SAMD12: variants seen among roughly 807,000 people sequenced by gnomAD.
The protein encoded by SAMD12 is sterile alpha motif domain containing 12, also known as sterile alpha motif domain-containing protein 12.
A neutral mutation model predicts 15.0 loss-of-function variants in SAMD12; 9 were observed. The observed-to-expected ratio is 0.60, with a 90% CI of 0.36 to 1.05. The LOEUF (loss-of-function observed/expected upper bound fraction) is 1.05. Ranked by LOEUF, SAMD12 falls within the 50% of genes least tolerant of loss-of-function variation. The probability of loss-of-function intolerance (pLI) is 0.01; values close to 1 mark genes in which losing one functional copy is unlikely to be tolerated. For synonymous variants in SAMD12, 86 were observed against 90.1 expected, an observed-to-expected ratio of 0.96 and a Z score of 0.25; for missense variants, 230 against 234.2, an observed-to-expected ratio of 0.98 and a Z score of 0.12.
At chr8:118,169,371 A>T in the SAMD12 span, among the ~76,000 whole-genome samples, 1 of 152,166 alleles carries the variant, frequency 6.6e-6, no homozygotes, top group East Asian at 1.9e-4. Flanking sequence ...CTCCTGGCTT[A>T]GTTTGGTTCT....
At chr8:118,317,201 G>A (rs915780728) in intron 4 of SAMD12, among the ~76,000 whole-genome samples, 4 of 152,108 alleles carry the variant, frequency 2.6e-5, no homozygotes, top group African/African-American at 9.7e-5. Flanking sequence ...GAAAATCAAT[G>A]TCTGTTGTTA....
Position 118,509,494 on chromosome 8 carries a change from C to G in SAMD12, c.193-69533G>C, listed in dbSNP as rs147685266. Among the ~76,000 whole-genome samples, 270 of 152,248 alleles carry G rather than the reference C, an allele frequency of 1.8e-3. 1 individual carries two copies. The highest frequency in any genetic ancestry group is 5.2e-3 in the African/African-American group (217 of 41,542). On this transcript the variant is annotated intron_variant, in intron 2 of 3. Coordinates refer to ENST00000314727, the MANE Select transcript of SAMD12 (RefSeq NM_207506.3). ...TGTGTCTTCATGAAACAGGCTTTGA[C>G]TCTGTGGGCAGGAATGAACACATCC...
intron 2 of SAMD12, among the ~76,000 whole-genome samples, chr8:118,521,319 C>T (rs1825382624): frequency 6.6e-6 from 1 of 152,162 alleles, no homozygotes; most frequent in Non-Finnish European, 1.5e-5. Flanking sequence ...CTATTTCCTT[C>T]ATCCCTTTGC....
intron 4 of SAMD12, among the ~76,000 whole-genome samples, chr8:118,341,529 A>G (rs550362655): frequency 2.1e-4 from 32 of 152,332 alleles, no homozygotes; most frequent in African/African-American, 7.2e-4. Flanking sequence ...TTTATAAACC[A>G]CAGAAATTTA....
At chr8:118,185,774 G>A (rs1400551229), downstream of SAMD12, among the ~76,000 whole-genome samples, 5 of 152,328 alleles carry the variant, frequency 3.3e-5, no homozygotes, top group African/African-American at 9.6e-5. Context: ...AGGCTGGGAT[G>A]TGATAGGCTA....
At chr8:118,436,172 TACTTACC>T (rs1822570838) in intron 3 of SAMD12, among the ~76,000 whole-genome samples, 1 of 152,230 alleles carries the variant, frequency 6.6e-6, no homozygotes, top group Admixed American at 6.5e-5. Flanking sequence ...CTGACTATCT[TACTTACC>T]ACTGTATTCT....
At chr8:118,310,612 T>C (rs938638990) in intron 4 of SAMD12, among the ~76,000 whole-genome samples, 1 of 152,218 alleles carries the variant, frequency 6.6e-6, no homozygotes, top group Non-Finnish European at 1.5e-5. Flanking sequence ...GGGTATGCTC[T>C]TGACTTCAAT....
chr8:118,565,090 A>T (rs10101026), intron 2 of SAMD12, among the ~76,000 whole-genome samples: 9,372 of 152,248 alleles, frequency 0.062, 344 homozygotes, highest in Non-Finnish European at 0.084. Flanking sequence ...GGTGAACTCC[A>T]CTAATAACTA....
the SAMD12 span, among the ~76,000 whole-genome samples, chr8:118,133,553 G>A: frequency 1.3e-5 from 2 of 152,046 alleles, no homozygotes; most frequent in African/African-American, 2.4e-5. Context: ...CTTCATATAT[G>A]TTTTATATAT....
At chr8:118,595,536 C>G (rs1165483731) in intron 1 of SAMD12, among the ~76,000 whole-genome samples, 1 of 152,140 alleles carries the variant, frequency 6.6e-6, no homozygotes, top group Non-Finnish European at 1.5e-5. Context: ...GAAAAAAAAT[C>G]AAGTACACAA....
intron 4 of SAMD12, among the ~76,000 whole-genome samples, chr8:118,203,599 T>A (rs1819774415): frequency 6.6e-6 from 1 of 152,054 alleles, no homozygotes; most frequent in African/African-American, 2.4e-5. Context: ...TATTTTTTTA[T>A]TATTATTATA....
chr8:118,618,240 A>T (rs1158126788), intron 1 of SAMD12, among the ~76,000 whole-genome samples: 1 of 152,182 alleles, frequency 6.6e-6, no homozygotes, highest in African/African-American at 2.4e-5. Context: ...ACAAAACAAT[A>T]AACAAAGGGC....
chr8:118,288,448 T>C (rs975969933), intron 4 of SAMD12: 1 of 152,198 alleles, frequency 6.6e-6, no homozygotes, highest in Non-Finnish European at 1.5e-5. Context: ...TTCCTCATCA[T>C]TGTATTTTTC....
chr8:118,487,509 A>G (rs1824323398), intron 2 of SAMD12, among the ~76,000 whole-genome samples: 1 of 152,176 alleles, frequency 6.6e-6, no homozygotes, highest in Middle Eastern at 3.2e-3. Context: ...CCAATAACAT[A>G]GCGGTTTAGC....
At chr8:118,180,393 T>G in the SAMD12 span, among the ~76,000 whole-genome samples, 36 of 152,310 alleles carry the variant, frequency 2.4e-4, no homozygotes, top group Non-Finnish European at 4.7e-4. Context: ...AATATCCATG[T>G]ACACACCACG....
rs544575061 is a variant in SAMD12 at position 118,395,485 on chromosome 8, G to C, written c.323-15785C>G. On this transcript the variant is annotated intron_variant, in intron 3 of 3. Transcript: ENST00000314727. ...TATTTAGAAAGAAAGTAAAAGCAAT[G>C]TTCACTTGGGTTTTCTTTAGCAAAC... Among the ~76,000 whole-genome samples, 164 of 152,218 alleles carry C rather than the reference G, an allele frequency of 1.1e-3. 1 individual carries two copies. The highest frequency in any genetic ancestry group is 3.9e-3 in the African/African-American group (160 of 41,544).
chr8:118,475,968 A>G (rs561452248), intron 2 of SAMD12, among the ~76,000 whole-genome samples: 38 of 152,320 alleles, frequency 2.5e-4, no homozygotes, highest in African/African-American at 5.5e-4. Flanking sequence ...TCAGGTTTGT[A>G]AATTGCCTGT....
the SAMD12 span, among the ~76,000 whole-genome samples, chr8:118,138,046 G>C: frequency 7.2e-5 from 11 of 152,138 alleles, no homozygotes; most frequent in Admixed American, 4.6e-4. Flanking sequence ...AATAAGAAGA[G>C]GTGTGGGACA....
At chr8:118,351,816 G>A (rs1817978209) in intron 4 of SAMD12, among the ~76,000 whole-genome samples, 1 of 152,182 alleles carries the variant, frequency 6.6e-6, no homozygotes, top group Non-Finnish European at 1.5e-5. Context: ...GAAGTAGACT[G>A]AGAGAAAAGC....
Sources: allele counts gnomAD v4.1 joint callset (sites outside exome capture counted in the v4.1 genomes callset), GRCh38; gene constraint gnomAD v4.1.1; transcripts MANE v1.5; gene names NCBI Gene and HGNC (gene_info 2026-07-23, HGNC 2026-07-21).